Variants in PCDHGB1 observed in about 807,000 individuals in gnomAD.
PCDHGB1 encodes the protein protocadherin gamma subfamily B, 1.
A neutral mutation model predicts 56.6 loss-of-function variants in PCDHGB1; 34 were observed. The ratio of observed to expected loss-of-function variants is 0.60; its 90% confidence interval spans 0.46 to 0.80. PCDHGB1 has a LOEUF of 0.80. Ranked by LOEUF, PCDHGB1 falls within the 30% of genes least tolerant of loss-of-function variation. PCDHGB1 has a pLI of 0.00. For missense variants in PCDHGB1, 1,278 were observed against 1,204.6 expected (o/e 1.06, Z -0.90); for synonymous variants, 561 against 505.9 (o/e 1.11, Z -1.46).
intron 1 of PCDHGB1, among the ~76,000 whole-genome samples, chr5:141,480,672 T>A (rs1053078255): frequency 2.0e-5 from 3 of 152,166 alleles, no homozygotes; most frequent in African/African-American, 7.2e-5. Context: ...CCTAGAGACC[T>A]TTTAAAAATT....
intron 1 of PCDHGB1, among the ~76,000 whole-genome samples, chr5:141,436,243 TA>T (rs1428637183): frequency 6.6e-6 from 1 of 152,154 alleles, no homozygotes; most frequent in Non-Finnish European, 1.5e-5. Context: ...TAACATGGTC[TA>T]ATTATTCTGA....
At chr5:141,409,135 T>G (rs748247175) in intron 1 of PCDHGB1, 1 of 1,614,026 alleles carries the variant, frequency 6.2e-7, no homozygotes, top group Non-Finnish European at 8.5e-7. Context: ...ATTTTGAAGA[T>G]GTAGAAAGGT....
intron 1 of PCDHGB1, chr5:141,398,610 T>C: frequency 6.2e-7 from 1 of 1,614,020 alleles, no homozygotes. Context: ...AAGATGCAGA[T>C]ATTGGCTTAA....
chr5:141,355,714 C>A, intron 1 of PCDHGB1: 1 of 1,614,048 alleles, frequency 6.2e-7, no homozygotes, highest in East Asian at 2.2e-5. Flanking sequence ...GGGTTACCAG[C>A]TCAACTCAAA....
In PCDHGB1 at chr5:141,413,207, C is replaced by G. The variant is rs563279284; in HGVS notation, c.2409+60538C>G. The G allele has an allele frequency of 2.1e-4, 334 of 1,612,874 alleles. 3 individuals carry two copies. In the South Asian group the frequency reaches 3.4e-3, roughly 17 times the overall value. On this transcript the variant is annotated intron_variant, in intron 1 of 3. Coordinates refer to ENST00000523390, the MANE Select transcript of PCDHGB1 (RefSeq NM_018922.3). ...GCTCAAAGGAATCGCTCAAAGGAAT[C>G]AAAGGATTGCAGCGGGCTGGTCCTG... is the stretch of plus-strand genomic sequence containing the variant.
At chr5:141,471,095 C>T (rs1266802067) in intron 1 of PCDHGB1, among the ~76,000 whole-genome samples, 1 of 144,764 alleles carries the variant, frequency 6.9e-6, no homozygotes, top group East Asian at 2.0e-4. Context: ...GTTGTCCAGG[C>T]TAGAGTGCAG....
chr5:141,446,800 G>C (rs1332771959), intron 1 of PCDHGB1, among the ~76,000 whole-genome samples: 1 of 152,150 alleles, frequency 6.6e-6, no homozygotes, highest in African/African-American at 2.4e-5. Flanking sequence ...TTCTTCCATT[G>C]TGATCATCTA....
At chr5:141,365,384 C>G in intron 1 of PCDHGB1, 1 of 1,614,020 alleles carries the variant, frequency 6.2e-7, no homozygotes, top group Non-Finnish European at 8.5e-7. Context: ...CCTCACCTCT[C>G]TGACCAGTTC....
chr5:141,360,868 G>A (rs1389190862), intron 1 of PCDHGB1: 1 of 1,614,012 alleles, frequency 6.2e-7, no homozygotes, highest in Non-Finnish European at 8.5e-7. Flanking sequence ...GTTCAGCCAG[G>A]ACGTGTACAG....
intron 1 of PCDHGB1, chr5:141,372,783 C>G (rs1324941616): frequency 1.9e-6 from 3 of 1,606,014 alleles, no homozygotes; most frequent in South Asian, 2.2e-5. Context: ...TCCAGAAATG[C>G]CTTCTAATTC....
chr5:141,392,836 C>G, intron 1 of PCDHGB1: 1 of 1,608,040 alleles, frequency 6.2e-7, no homozygotes, highest in Non-Finnish European at 8.5e-7. Flanking sequence ...CAGAGTCGCC[C>G]CAGACGCGGC....
At chr5:141,372,197 C>A in intron 1 of PCDHGB1, 1 of 1,613,590 alleles carries the variant, frequency 6.2e-7, no homozygotes, top group Non-Finnish European at 8.5e-7. Context: ...CGGGATACAA[C>A]GCCTGGCTGT....
intron 1 of PCDHGB1, among the ~76,000 whole-genome samples, chr5:141,461,345 G>A (rs1277222105): frequency 1.3e-5 from 2 of 152,102 alleles, no homozygotes; most frequent in African/African-American, 4.8e-5. Context: ...CAGGACCAAG[G>A]TGGTAGCTCG....
Position 141,432,911 on chromosome 5 carries a change from C to G in PCDHGB1, c.2410-61896C>G. 5 of 1,614,176 alleles carry G rather than the reference C, an allele frequency of 3.1e-6. No homozygotes were observed. Among genetic ancestry groups the G allele is most frequent in the Non-Finnish European group, 4.2e-6 (5 of 1,180,014 alleles). Reference sequence around the variant, plus strand: ...CTTGCTGCTGGCGCTCAGGCTGCGGCGCTGGCACAAGTCACGCCTGCTGCA... The same window carrying G: ...CTTGCTGCTGGCGCTCAGGCTGCGGGGCTGGCACAAGTCACGCCTGCTGCA... On this transcript the variant is annotated intron_variant, in intron 1 of 3. Transcript: ENST00000523390. This position sits in a 1 kb window ranked among gnomAD's most constrained non-coding sequence, Gnocchi z 6.0.
chr5:141,437,719 TA>T (rs1316054877), intron 1 of PCDHGB1, among the ~76,000 whole-genome samples: 1 of 151,332 alleles, frequency 6.6e-6, no homozygotes, highest in African/African-American at 2.4e-5. Context: ...AGTTACCCTC[TA>T]ATGTTACACT....
rs950480253 is a variant in PCDHGB1 at position 141,350,155 on chromosome 5, G to C, written c.-106G>C. The C allele has an allele frequency of 1.8e-5, 18 of 998,812 alleles. No homozygotes were observed. Among genetic ancestry groups the C allele is most frequent in the Non-Finnish European group, 2.2e-5 (16 of 727,262 alleles). 61.9% of individuals were successfully genotyped at this position (998,812 alleles called of 1,614,324 possible). A position where few individuals can be genotyped will look rare whatever the true frequency, so the allele number is the denominator to read the frequency against. ...AGACGCTGCTCCTGTTCACCCTCGAGCGCCTAACTAATAAGTCCTAAGCTC... is the reference window on the plus strand; with the variant it reads ...AGACGCTGCTCCTGTTCACCCTCGACCGCCTAACTAATAAGTCCTAAGCTC... On this transcript the variant is annotated 5_prime_UTR_variant, in exon 1 of 4. Coordinates refer to ENST00000523390, the MANE Select transcript of PCDHGB1 (RefSeq NM_018922.3).
intron 1 of PCDHGB1, chr5:141,426,432 C>A (rs1239073805): frequency 1.0e-5 from 3 of 295,812 alleles, no homozygotes; most frequent in South Asian, 3.3e-5. Flanking sequence ...TGGTGGGGAA[C>A]CTTGCGGAGG....
Position 141,350,198 on chromosome 5 carries a change from G to A in PCDHGB1, c.-63G>A. The stretch of plus-strand genomic sequence containing the variant: ...CTAAGCTCAAATCACAGAAGTCCAG[G>A]GTGCTGCCATTTCTTTTTGAAAAAC... On this transcript the variant is annotated 5_prime_UTR_variant, in exon 1 of 4. Transcript: ENST00000523390. 7.0e-7 allele frequency: 1 copy of A among 1,421,618 alleles called. No homozygotes were observed. The highest frequency in any genetic ancestry group is 1.6e-5 in the South Asian group (1 of 63,994). The allele number at this position is 1,421,618 out of a possible 1,614,324, so 88.1% of individuals were successfully genotyped here.
intron 1 of PCDHGB1, chr5:141,370,419 G>C (rs1219315187): frequency 3.8e-6 from 6 of 1,572,938 alleles, no homozygotes; most frequent in African/African-American, 1.4e-5. Context: ...CGGATGGAGG[G>C]GCCCAGCAGG....
Sources: allele counts gnomAD v4.1 joint callset (sites outside exome capture counted in the v4.1 genomes callset), GRCh38; gene constraint gnomAD v4.1.1; non-coding constraint Gnocchi (gnomAD v3.1); transcripts MANE v1.5; gene names NCBI Gene and HGNC (gene_info 2026-07-23, HGNC 2026-07-21).